The following ALDH1L1 variants were observed in gnomAD, a reference collection of about 807,000 sequenced individuals.
ALDH1L1 encodes cytosolic 10-formyltetrahydrofolate dehydrogenase.
Under a neutral mutation model 101.1 loss-of-function variants are expected in ALDH1L1, and 68 were observed. The ratio of observed to expected loss-of-function variants is 0.67; its 90% confidence interval spans 0.55 to 0.82. ALDH1L1 has a LOEUF of 0.82. Among genes scored for constraint, ALDH1L1 ranks in the 40% least tolerant of loss-of-function variants. The pLI is 0.00. For missense variants in ALDH1L1, 1,087 were observed against 1,172.7 expected, an observed-to-expected ratio of 0.93 and a Z score of 1.07; for synonymous variants, 486 against 470.8, an observed-to-expected ratio of 1.03 and a Z score of -0.42.
At chr3:126,184,190 A>G (rs1320422066), upstream of ALDH1L1, among the ~76,000 whole-genome samples, 3 of 152,170 alleles carry the variant, frequency 2.0e-5, no homozygotes, top group Non-Finnish European at 4.4e-5. Flanking sequence ...CCAGGACTAT[A>G]TGATACTCTC....
In ALDH1L1 at chr3:126,166,171, G is replaced by A. The variant is rs532530613; in HGVS notation, c.-23-5169C>T. ...ACCGCACCCCTCGTCCTTCTCCACCGGTTCAAAAACTGCTCCAACCAGTCA... is the reference window on the plus strand; with the variant it reads ...ACCGCACCCCTCGTCCTTCTCCACCAGTTCAAAAACTGCTCCAACCAGTCA... On this transcript the variant is annotated intron_variant, in intron 1 of 22. Coordinates refer to ENST00000393434, the MANE Select transcript of ALDH1L1 (RefSeq NM_012190.4). Among the ~76,000 whole-genome samples the A allele has an allele frequency of 2.4e-4, 36 of 152,050 alleles. No homozygotes were observed. The South Asian group carries it at 2.7e-3, about 11-fold the overall frequency.
chr3:126,105,765 A>G lies in ALDH1L1; in HGVS notation c.2614T>C (p.Phe872Leu), dbSNP rs1297289302. The change falls in exon 22 of 23, where the codon TTC becomes CTC. Residue 872 changes from phenylalanine (F) to leucine (L), a missense_variant. Physicochemically the swap from Phe to Leu is conservative, Grantham distance 22. Transcript: ENST00000393434. ...AATCCAGACTGTTTGAATCCTCCGA[A>G]GGGAGCGGCCACGTCGGTCTTGTTG... ...TYNKTDVAAPFGGFKQSGFGK... is the reference protein window; with the variant it reads ...TYNKTDVAAPLGGFKQSGFGK... 6.2e-7 allele frequency: 1 copy of G among 1,614,210 alleles called. No individual in the cohort carries two copies. Among genetic ancestry groups the G allele is most frequent in the Non-Finnish European group, 8.5e-7 (1 of 1,180,044 alleles).
intron 1 of ALDH1L1, among the ~76,000 whole-genome samples, chr3:126,164,025 G>A (rs1466964293): frequency 6.6e-6 from 1 of 151,934 alleles, no homozygotes; most frequent in Non-Finnish European, 1.5e-5. Context: ...CAGCTACTTG[G>A]GAGGCTGAGG....
rs555532011 is a variant in ALDH1L1, at chr3:126,195,491, C to T, written c.-24+2244G>A. Among the ~76,000 whole-genome samples, 671 of 152,198 alleles carry T rather than the reference C, an allele frequency of 4.4e-3. 5 individuals carry two copies. Among genetic ancestry groups the T allele is most frequent in the African/African-American group, 0.015 (637 of 41,532 alleles). On this transcript the variant is annotated intron_variant, in intron 1 of 2. Coordinates refer to the ALDH1L1 transcript ENST00000509952. Reference sequence around the variant, plus strand: ...GAGCTGGAGAGGATGTGGAGAAATACGAACACTTTTACACTGTTGGTGGGA... The same window carrying T: ...GAGCTGGAGAGGATGTGGAGAAATATGAACACTTTTACACTGTTGGTGGGA...
At chr3:126,147,046 G>T (rs1011959421) in intron 8 of ALDH1L1, 120 bp from the exon 9 acceptor site, 3 of 885,246 alleles carry the variant, frequency 3.4e-6, no homozygotes, top group Admixed American at 2.7e-5. Context: ...GCTTCTCTAT[G>T]TACCTCCAAG....
intron 19 of ALDH1L1, 84 bp from the exon 20 acceptor site, chr3:126,110,193 T>C: frequency 6.4e-7 from 1 of 1,553,278 alleles, no homozygotes; most frequent in Non-Finnish European, 8.8e-7. Flanking sequence ...CTCTCATGGC[T>C]GACCCCTGGG....
rs1307695590 is a variant in ALDH1L1, at chr3:126,135,633, G to A, written c.1374C>T (p.Val458=). 1.3e-6 allele frequency: 2 copies of A among 1,579,812 alleles called. No homozygotes were observed. The highest frequency in any genetic ancestry group is 2.7e-5 in the African/African-American group (2 of 73,508). ...CGGCCACTGCCTTGTCGACGTCGGT[G>A]ACTTGGGCCAGGGATACCTGGCAGA... is the stretch of plus-strand genomic sequence containing the variant. ...SVICQVSLAQ[V]TDVDKAVAAA... is the part of the protein sequence containing the mutation. Residue 458 remains valine, a synonymous_variant, in exon 12 of 23, where the codon GTC becomes GTT. Transcript: ENST00000393434.
At chr3:126,148,819 C>T (rs532216784) in intron 8 of ALDH1L1, among the ~76,000 whole-genome samples, 26 of 152,310 alleles carry the variant, frequency 1.7e-4, no homozygotes, top group Non-Finnish European at 3.4e-4. Context: ...CAAGATGGAT[C>T]CCCAGCAGCA....
At position 126,157,546 on chromosome 3, in the gene ALDH1L1, A is replaced by C. The variant is rs1288389840; in HGVS notation, c.363-38T>G. 1.9e-6 allele frequency: 3 copies of C among 1,601,088 alleles called. No individual in the cohort carries two copies. The African/African-American group carries it at 4.0e-5, about 21-fold the overall frequency. ...AGAGTGAAACCTGGAGTCCACGATG[A>C]AGGGCCACGGAGGATGTCCTGGGTA... is the stretch of plus-strand genomic sequence containing the variant. On this transcript the variant is annotated intron_variant, in intron 3 of 22. Coordinates refer to ENST00000393434, the MANE Select transcript of ALDH1L1 (RefSeq NM_012190.4).
At chr3:126,174,159 C>A (rs1244089007) in intron 1 of ALDH1L1, among the ~76,000 whole-genome samples, 1 of 152,108 alleles carries the variant, frequency 6.6e-6, no homozygotes, top group Admixed American at 6.6e-5. Flanking sequence ...CTGCCTCAGC[C>A]GCCCGAGTAG....
rs1285851287 is a variant in ALDH1L1, at chr3:126,158,412, T to C, written c.355A>G (p.Ile119Val). The C allele has an allele frequency of 5.7e-6, 9 of 1,591,370 alleles. No homozygotes were observed. Among genetic ancestry groups the C allele is most frequent in the Admixed American group, 1.7e-5 (1 of 57,494 alleles). ...GTTTTTGCCCCATCTCACCAGTTGA[T>C]GGCCGAGGCCCCTCGGTGCCTAGGG... is the stretch of plus-strand genomic sequence containing the variant. ...LLPRHRGASA[I>V]NWTLIHGDKK... is the part of the protein sequence containing the mutation. The change falls in exon 3 of 23, where the codon ATC becomes GTC. Residue 119 changes from isoleucine to valine, a missense_variant. Around this residue, in one of 2 missense-constraint regions of ALDH1L1, gnomAD observed 645 missense variants for 637.0 expected, o/e 1.01. Coordinates refer to ENST00000393434, the MANE Select transcript of ALDH1L1 (RefSeq NM_012190.4).
At chr3:126,122,080 A>G (rs959452327) in intron 16 of ALDH1L1, among the ~76,000 whole-genome samples, 4 of 152,332 alleles carry the variant, frequency 2.6e-5, no homozygotes, top group African/African-American at 7.2e-5. Flanking sequence ...AGAATCTTAC[A>G]TCTAGCAATA....
At position 126,161,630 on chromosome 3, in the gene ALDH1L1, G is replaced by A. The variant is rs185945174; in HGVS notation, c.-23-628C>T. Among the ~76,000 whole-genome samples, 93 of 152,278 alleles carry A rather than the reference G, an allele frequency of 6.1e-4. 1 individual carries two copies. The highest frequency in any genetic ancestry group is 1.2e-3 in the Non-Finnish European group (81 of 68,018). ...AATCATGCACATTCTCCAAAGATTGGTCATTCATTCACCTCACGCATATCT... is the reference window on the plus strand; with the variant it reads ...AATCATGCACATTCTCCAAAGATTGATCATTCATTCACCTCACGCATATCT... On this transcript the variant is annotated intron_variant, in intron 1 of 22. Transcript: ENST00000393434.
In ALDH1L1 at chr3:126,106,076, G is replaced by T. The variant is rs989076577; in HGVS notation, c.2454-151C>A. ...GCAGCGCCGGGGGCAAGATTGGGTT[G>T]GGTTGGGCTGCGAGCGAGGAGGAAG... On this transcript the variant is annotated intron_variant, in intron 21 of 22. Transcript: ENST00000393434. 7 of 811,852 alleles carry T rather than the reference G, an allele frequency of 8.6e-6. No individual in the cohort carries two copies. In the African/African-American group the frequency reaches 1.2e-4, roughly 14 times the overall value. The allele number at this position is 811,852 out of a possible 1,614,324, so 50.3% of individuals were successfully genotyped here. A position where few individuals can be genotyped will look rare whatever the true frequency, so the allele number is the denominator to read the frequency against.
intron 17 of ALDH1L1, 54 bp from the exon 18 acceptor site, chr3:126,114,710 T>C: frequency 1.3e-6 from 2 of 1,539,742 alleles, no homozygotes; most frequent in Non-Finnish European, 1.8e-6. Flanking sequence ...GGTAGGGGCA[T>C]TGGGACCCCA....
intron 1 of ALDH1L1, among the ~76,000 whole-genome samples, chr3:126,193,321 C>A (rs769374181): frequency 3.3e-5 from 5 of 152,202 alleles, no homozygotes; most frequent in Non-Finnish European, 5.9e-5. Flanking sequence ...CTGTGTCCTT[C>A]CTTAAAGTCT....
In ALDH1L1 at chr3:126,123,771, T is replaced by C. The variant is rs552848365; in HGVS notation, c.1888+593A>G. 1.2e-4 allele frequency among the ~76,000 whole-genome samples: 18 copies of C among 151,716 alleles called. No individual in the cohort carries two copies. In the South Asian group the frequency reaches 2.1e-3, roughly 18 times the overall value. On this transcript the variant is annotated intron_variant, in intron 16 of 22. Coordinates refer to ENST00000393434, the MANE Select transcript of ALDH1L1 (RefSeq NM_012190.4). ...TATTTGATTTTTTTAGAGTGGAGGATGGAGACAAACAAGCAATAACTTTTC... is the reference window on the plus strand; with the variant it reads ...TATTTGATTTTTTTAGAGTGGAGGACGGAGACAAACAAGCAATAACTTTTC...
chr3:126,178,948 A>T (rs2081418513), intron 1 of ALDH1L1, among the ~76,000 whole-genome samples: 1 of 151,940 alleles, frequency 6.6e-6, no homozygotes, highest in Non-Finnish European at 1.5e-5. Flanking sequence ...TGAAAAAAAA[A>T]AATAAAAGAG....
intron 6 of ALDH1L1, 141 bp downstream of exon 6, chr3:126,154,413 T>G: frequency 3.8e-6 from 3 of 797,592 alleles, no homozygotes; most frequent in South Asian, 1.6e-5. Flanking sequence ...AAGGCTGGGA[T>G]GTTTAGGGGG....
Sources: gnomAD v4.1 joint callset for allele counts (sites outside exome capture counted in the v4.1 genomes callset) on GRCh38, gnomAD v4.1.1 for gene constraint, gnomAD v4.1.1 regional missense constraint, MANE v1.5 for transcripts, NCBI Gene and HGNC (gene_info 2026-07-23, HGNC 2026-07-21) for gene names.